Variants in FBH1 observed in about 807,000 individuals in gnomAD.
FBH1 encodes the protein F-box DNA helicase 1, also known as DNA 3'-5' helicase 1.
FBH1 carries 43 observed loss-of-function variants against 115.5 expected under a neutral mutation model. That is an observed-to-expected ratio of 0.37 (90% confidence interval 0.29 to 0.48). The LOEUF (loss-of-function observed/expected upper bound fraction) is 0.48, where lower values mean the gene tolerates loss of function less well. Ranked by LOEUF, FBH1 falls within the 20% of genes least tolerant of loss-of-function variation. The probability of loss-of-function intolerance (pLI) is 0.99; values close to 1 mark genes in which losing one functional copy is unlikely to be tolerated. For missense variants in FBH1, 1,001 were observed against 1,337.3 expected, an observed-to-expected ratio of 0.75 and a Z score of 3.92; for synonymous variants, 524 against 507.8, an observed-to-expected ratio of 1.03 and a Z score of -0.43.
intron 18 of FBH1, among the ~76,000 whole-genome samples, chr10:5,926,540 C>G (rs574941631): frequency 4.9e-4 from 75 of 152,318 alleles, no homozygotes; most frequent in African/African-American, 1.7e-3. Flanking sequence ...TACAAACAAA[C>G]AAAGCTGTCT....
At chr10:5,891,368 A>G (rs1451999279) in intron 1 of FBH1, among the ~76,000 whole-genome samples, 1 of 152,206 alleles carries the variant, frequency 6.6e-6, no homozygotes, top group East Asian at 1.9e-4. Context: ...CACTCCAGCA[A>G]AAGAAAAAAA....
chr10:5,911,252 A>C lies in FBH1; in HGVS notation c.1211+124A>C, dbSNP rs1453125249. On this transcript the variant is annotated intron_variant, in intron 6 of 20. Transcript: ENST00000362091. The surrounding 1 kb of genome is among the most constrained non-coding windows in gnomAD (Gnocchi z 5.4). Reference sequence around the variant, plus strand: ...GCAGGCTGTGGGACCCACCTGCTCCACCTCAGTGTCATCTTCTGCAGGAGC... The same window carrying C: ...GCAGGCTGTGGGACCCACCTGCTCCCCCTCAGTGTCATCTTCTGCAGGAGC... 1.8e-5 allele frequency: 16 copies of C among 896,538 alleles called. No individual in the cohort carries two copies. Among genetic ancestry groups the C allele is most frequent in the Non-Finnish European group, 2.5e-5 (15 of 596,382 alleles). 55.5% of individuals were successfully genotyped at this position (896,538 alleles called of 1,614,324 possible). A position where few individuals can be genotyped will look rare whatever the true frequency, so the allele number is the denominator to read the frequency against.
At position 5,906,324 on chromosome 10, in the gene FBH1, C is replaced by T. The variant is rs755192280; in HGVS notation, c.445C>T (p.Arg149Trp). 26 of 1,614,108 alleles carry T rather than the reference C, an allele frequency of 1.6e-5. No individual in the cohort carries two copies. The highest frequency in any genetic ancestry group is 2.7e-5 in the African/African-American group (2 of 74,946). Residue 149 changes from arginine (R) to tryptophan (W), a missense_variant, in exon 3 of 21, where the codon CGG becomes TGG. Physicochemically the swap from Arg to Trp is moderately radical, Grantham distance 101. This residue lies in a region of FBH1 where 420 missense variants were observed against 430.4 expected (regional missense o/e 0.98). Transcript: ENST00000362091. The surrounding 1 kb of genome is among the most constrained non-coding windows in gnomAD (Gnocchi z 7.3). ...GGATGGAGTTTCTAAGAAAGCTCCA[C>T]GGCACCATTTGTCTGTGCCATGCAC... The part of the protein sequence containing the change: ...RWDGVSKKAP[R>W]HHLSVPCTRP...
In FBH1 at chr10:5,918,334, G is replaced by C; in HGVS notation, c.1964-8G>C. The C allele has an allele frequency of 6.2e-7, 1 of 1,607,708 alleles. No individual in the cohort carries two copies. Among genetic ancestry groups the C allele is most frequent in the Non-Finnish European group, 8.5e-7 (1 of 1,178,560 alleles). On this transcript the variant is annotated splice_polypyrimidine_tract_variant and splice_region_variant and intron_variant, in intron 12 of 20. Coordinates refer to ENST00000362091, the MANE Select transcript of FBH1 (RefSeq NM_178150.3). This position sits in a 1 kb window ranked among gnomAD's most constrained non-coding sequence, Gnocchi z 4.0. ...AAGGTTTCTCACTTTTCCTCTCGTT[G>C]GTTACAGCTATCATGAACATAGTTC...
At chr10:5,922,707 T>C (rs1224464149) in intron 15 of FBH1, among the ~76,000 whole-genome samples, 1 of 152,006 alleles carries the variant, frequency 6.6e-6, no homozygotes, top group East Asian at 1.9e-4. Flanking sequence ...GCTCTTGGAG[T>C]GTGGGGCCCT....
Position 5,900,462 on chromosome 10 carries a change from C to A in FBH1, c.2-2558C>A, listed in dbSNP as rs561466938. On this transcript the variant is annotated intron_variant, in intron 1 of 20. Transcript: ENST00000362091. The surrounding 1 kb of genome is among the most constrained non-coding windows in gnomAD (Gnocchi z 4.2). ...TCCCGCCAGGCCCTCGCCGGCTCAC[C>A]ACGCTGCGCTGTGCTGCTTCGTGAG... is the stretch of plus-strand genomic sequence containing the variant. Among the ~76,000 whole-genome samples the A allele has an allele frequency of 4.2e-4, 64 of 152,328 alleles. No homozygotes were observed. The highest frequency in any genetic ancestry group is 1.4e-3 in the African/African-American group (59 of 41,584).
Position 5,924,271 on chromosome 10 carries a change from G to T in FBH1, c.2399-40G>T. Reference sequence around the variant, plus strand: ...CAGCACCTGCCACCATCTGTTAGTGGAGCTTGTGTCACCTTAATTTGTGTG... The same window carrying T: ...CAGCACCTGCCACCATCTGTTAGTGTAGCTTGTGTCACCTTAATTTGTGTG... On this transcript the variant is annotated intron_variant, in intron 16 of 20. Transcript: ENST00000362091. The surrounding 1 kb of genome is among the most constrained non-coding windows in gnomAD (Gnocchi z 6.2). The T allele has an allele frequency of 6.2e-7, 1 of 1,601,840 alleles. No homozygotes were observed. Among genetic ancestry groups the T allele is most frequent in the Non-Finnish European group, 8.5e-7 (1 of 1,169,598 alleles).
In FBH1 at chr10:5,921,422, A is replaced by G. The variant is rs79695877; in HGVS notation, c.2201-26A>G. On this transcript the variant is annotated intron_variant, in intron 14 of 20. Coordinates refer to ENST00000362091, the MANE Select transcript of FBH1 (RefSeq NM_178150.3). This position sits in a 1 kb window ranked among gnomAD's most constrained non-coding sequence, Gnocchi z 6.4. ...GTTTTCCTCTTTATTTCAATTTGCC[A>G]TAGAGTTTGTGCTCTCTCCCTAAAG... is the stretch of plus-strand genomic sequence containing the variant. 1,309 of 1,610,286 alleles carry G rather than the reference A, an allele frequency of 8.1e-4. 23 individuals are homozygous for G. In the East Asian group the frequency reaches 0.024, roughly 30 times the overall value.
At position 5,921,465 on chromosome 10, in the gene FBH1, G is replaced by T. The variant is rs540027734; in HGVS notation, c.2218G>T (p.Ala740Ser). 2.5e-6 allele frequency: 4 copies of T among 1,602,812 alleles called. No homozygotes were observed. The Admixed American group carries it at 7.1e-5, about 29-fold the overall frequency. The change falls in exon 15 of 21, where the codon GCA (alanine) becomes TCA (serine). Residue 740 changes from alanine (A) to serine (S), a missense_variant. Ala to Ser is a moderately conservative substitution (Grantham distance 99). Transcript: ENST00000362091. This position sits in a 1 kb window ranked among gnomAD's most constrained non-coding sequence, Gnocchi z 6.4. ...GNHQSGIRGD[A>S]KGQVALLSRT... ...CCCTAAAGGTGGCATTAGAGGTGAC[G>T]CAAAGGGGCAAGTGGCCTTGTTGTC... is the stretch of plus-strand genomic sequence containing the variant.
intron 2 of FBH1, among the ~76,000 whole-genome samples, chr10:5,904,321 C>A (rs1388274410): frequency 6.6e-6 from 1 of 152,194 alleles, no homozygotes; most frequent in Non-Finnish European, 1.5e-5. Flanking sequence ...GTGCGAGCCA[C>A]CTCTCCCAGC....
chr10:5,923,721 C>T lies in FBH1; in HGVS notation c.2398+25C>T, dbSNP rs750309313. On this transcript the variant is annotated intron_variant, in intron 16 of 20. Transcript: ENST00000362091. This position sits in a 1 kb window ranked among gnomAD's most constrained non-coding sequence, Gnocchi z 5.7. ...CGTGAGTACCCACCTGGCCTTGGTG[C>T]ATTGGAAGGACGCACCCAAGTGACA... 11 of 1,600,542 alleles carry T rather than the reference C, an allele frequency of 6.9e-6. No individual in the cohort carries two copies. The highest frequency in any genetic ancestry group is 7.7e-6 in the Non-Finnish European group (9 of 1,169,726).
At chr10:5,934,376 GTTTTTT>G (rs58993530) in intron 19 of FBH1, 1 of 124,858 alleles carries the variant, frequency 8.0e-6, no homozygotes, top group Non-Finnish European at 1.7e-5. Context: ...TTTTTTTTTT[GTTTTTT>G]TTTTTTTTTG....
intron 2 of FBH1, among the ~76,000 whole-genome samples, chr10:5,903,753 T>G (rs187511873): frequency 1.3e-5 from 2 of 152,248 alleles, no homozygotes; most frequent in African/African-American, 4.8e-5. Flanking sequence ...AGTGTCACTC[T>G]TATTCCAATC....
intron 1 of FBH1, among the ~76,000 whole-genome samples, chr10:5,902,264 T>A (rs74775204): frequency 0.013 from 1,904 of 152,278 alleles, 43 homozygotes; most frequent in African/African-American, 0.043. Flanking sequence ...TGTTTTATTA[T>A]CATGATGTTT....
intron 19 of FBH1, chr10:5,929,926 C>A (rs1271395793): frequency 6.6e-6 from 1 of 152,162 alleles, no homozygotes; most frequent in Non-Finnish European, 1.5e-5. Flanking sequence ...ATGGTTTTCT[C>A]ATGGAAGTCG....
At position 5,900,441 on chromosome 10, in the gene FBH1, G is replaced by A. The variant is rs1301223597; in HGVS notation, c.2-2579G>A. 6.6e-6 allele frequency among the ~76,000 whole-genome samples: 1 copy of A among 152,176 alleles called. No individual in the cohort carries two copies. The highest frequency in any genetic ancestry group is 2.4e-5 in the African/African-American group (1 of 41,444). On this transcript the variant is annotated intron_variant, in intron 1 of 20. Coordinates refer to ENST00000362091, the MANE Select transcript of FBH1 (RefSeq NM_178150.3). The surrounding 1 kb of genome is among the most constrained non-coding windows in gnomAD (Gnocchi z 4.2). ...CTGAGGGTGCCAGCCCAGCCCTCCCGCCAGGCCCTCGCCGGCTCACCACGC... is the reference window on the plus strand; with the variant it reads ...CTGAGGGTGCCAGCCCAGCCCTCCCACCAGGCCCTCGCCGGCTCACCACGC...
rs11255924 is a variant in FBH1, at chr10:5,914,428, G to A, written c.1396+159G>A. ...ATCAATCTCAAAAGCAATTGGCCAA[G>A]GAATACTTACTTCCCCGGACCACTC... On this transcript the variant is annotated intron_variant, in intron 8 of 20. Transcript: ENST00000362091. This position sits in a 1 kb window ranked among gnomAD's most constrained non-coding sequence, Gnocchi z 5.2. Among the ~76,000 whole-genome samples the A allele has an allele frequency of 6.6e-6, 1 of 152,218 alleles. No individual in the cohort carries two copies. The highest frequency in any genetic ancestry group is 2.4e-5 in the African/African-American group (1 of 41,454).
At chr10:5,890,005 C>T (rs1427731269), upstream of FBH1, 8 of 244,266 alleles carry the variant, frequency 3.3e-5, 1 homozygote, top group East Asian at 2.9e-4. Flanking sequence ...GGGAAAGTTT[C>T]CCGCTCCGCC....
chr10:5,900,210 G>T lies in FBH1; in HGVS notation c.2-2810G>T, dbSNP rs1231760694. Among the ~76,000 whole-genome samples the T allele has an allele frequency of 6.6e-6, 1 of 152,242 alleles. No individual in the cohort carries two copies. The highest frequency in any genetic ancestry group is 6.5e-5 in the Admixed American group (1 of 15,282). On this transcript the variant is annotated intron_variant, in intron 1 of 20. Coordinates refer to ENST00000362091, the MANE Select transcript of FBH1 (RefSeq NM_178150.3). This position sits in a 1 kb window ranked among gnomAD's most constrained non-coding sequence, Gnocchi z 4.2. Reference sequence around the variant, plus strand: ...TGTCTTAGGCAGGCTACTCACATAAGCCTTGTTAAATAGAGGAAACAGGTA... The same window carrying T: ...TGTCTTAGGCAGGCTACTCACATAATCCTTGTTAAATAGAGGAAACAGGTA...
Sources: gnomAD v4.1 joint callset for allele counts (sites outside exome capture counted in the v4.1 genomes callset) on GRCh38, gnomAD v4.1.1 for gene constraint, gnomAD v4.1.1 regional missense constraint, Gnocchi (gnomAD v3.1) non-coding constraint, MANE v1.5 for transcripts, NCBI Gene and HGNC (gene_info 2026-07-23, HGNC 2026-07-21) for gene names.